Variants in PRIMPOL observed in about 807,000 individuals in gnomAD.
The protein encoded by PRIMPOL is primase and DNA directed polymerase, also known as DNA-directed primase/polymerase protein.
PRIMPOL carries 54 observed loss-of-function variants against 63.6 expected under a neutral mutation model. That is an observed-to-expected ratio of 0.85 (90% confidence interval 0.68 to 1.07). The LOEUF is 1.07. Ranked by LOEUF, PRIMPOL falls within the 50% of genes least tolerant of loss-of-function variation. The probability of loss-of-function intolerance (pLI) is 0.00; values close to 1 mark genes in which losing one functional copy is unlikely to be tolerated. For synonymous variants in PRIMPOL, 197 were observed against 220.2 expected, an observed-to-expected ratio of 0.89 and a Z score of 0.93; for missense variants, 610 against 648.3, an observed-to-expected ratio of 0.94 and a Z score of 0.64.
chr4:184,694,413 G>GTATC (rs35343168), intron 13 of PRIMPOL, 109 bp from the exon 14 acceptor site: 256,883 of 1,448,930 alleles, frequency 0.18, 28,994 homozygotes, highest in East Asian at 0.63. Context: ...ATTCACTTTA[G>GTATC]TATCTGTCAC....
At chr4:184,662,653 A>G (rs1383313409) in intron 5 of PRIMPOL, among the ~76,000 whole-genome samples, 1 of 152,202 alleles carries the variant, frequency 6.6e-6, no homozygotes, top group Non-Finnish European at 1.5e-5. Context: ...ACTGACACTT[A>G]CTGACTAGCT....
chr4:184,664,898 G>C (rs1395187810), intron 5 of PRIMPOL, among the ~76,000 whole-genome samples: 2 of 152,198 alleles, frequency 1.3e-5, no homozygotes, highest in African/African-American at 4.8e-5. Flanking sequence ...TTGATGTAGA[G>C]AGGGAAATCA....
intron 7 of PRIMPOL, among the ~76,000 whole-genome samples, chr4:184,673,122 GT>G (rs1439228777): frequency 8.9e-6 from 1 of 112,974 alleles, no homozygotes; most frequent in Non-Finnish European, 1.8e-5. Flanking sequence ...ACAGCAGCAG[GT>G]TTTTTCTTTT....
chr4:184,679,950 G>A (rs1372067670), intron 8 of PRIMPOL, among the ~76,000 whole-genome samples: 2 of 152,018 alleles, frequency 1.3e-5, no homozygotes, highest in African/African-American at 4.8e-5. Context: ...GAAAGGTTGG[G>A]GACTGCCGTT....
At chr4:184,691,313 C>A in intron 11 of PRIMPOL, 186 bp from the exon 12 acceptor site, 3 of 513,092 alleles carry the variant, frequency 5.8e-6, no homozygotes, top group Middle Eastern at 5.1e-4. Flanking sequence ...TTTTGCCCTG[C>A]AGTTCATTTT....
chr4:184,692,489 A>G (rs993827923), intron 13 of PRIMPOL, among the ~76,000 whole-genome samples: 2 of 151,076 alleles, frequency 1.3e-5, no homozygotes, highest in African/African-American at 4.9e-5. Flanking sequence ...AAAAAAAAAA[A>G]AAAAGAAAGA....
chr4:184,665,111 C>T (rs939040982), intron 5 of PRIMPOL, among the ~76,000 whole-genome samples: 13 of 152,170 alleles, frequency 8.5e-5, no homozygotes, highest in African/African-American at 3.1e-4. Flanking sequence ...CTTCATTTTG[C>T]AAATGAGAAA....
In PRIMPOL at chr4:184,694,827, G is replaced by A. The variant is rs1347661913; in HGVS notation, c.*48G>A. The stretch of plus-strand genomic sequence containing the variant: ...GTCACCAGGCTATAATTTGCCTGAT[G>A]TCTGTGAGATTTGATAAATATATCA... On this transcript the variant is annotated 3_prime_UTR_variant, in exon 14 of 14. Transcript: ENST00000314970. 3.4e-6 allele frequency: 5 copies of A among 1,479,612 alleles called. No homozygotes were observed. The highest frequency in any genetic ancestry group is 2.4e-5 in the South Asian group (2 of 83,804). 91.7% of individuals were successfully genotyped at this position (1,479,612 alleles called of 1,614,324 possible). A position where few individuals can be genotyped will look rare whatever the true frequency, so the allele number is the denominator to read the frequency against.
rs1752003736 is a variant in PRIMPOL, at chr4:184,672,302, C to T, written c.686C>T (p.Ser229Phe). Residue 229 changes from serine to phenylalanine, a missense_variant, in exon 7 of 14, where the codon TCT (serine) becomes TTT (phenylalanine). Ser to Phe is a radical substitution (Grantham distance 155, BLOSUM62 -2). Transcript: ENST00000314970. ...FSEAPARQGF[S>F]FNKMFTEKAT... ...GAAGCACCTGCAAGACAAGGATTTT[C>T]TTTCAATAAAATGTTCACAGAAAAG... 1.2e-6 allele frequency: 2 copies of T among 1,613,926 alleles called. No individual in the cohort carries two copies. Among genetic ancestry groups the T allele is most frequent in the Non-Finnish European group, 8.5e-7 (1 of 1,180,014 alleles).
At chr4:184,684,371 G>A (rs533967412) in intron 9 of PRIMPOL, among the ~76,000 whole-genome samples, 1 of 151,950 alleles carries the variant, frequency 6.6e-6, no homozygotes, top group South Asian at 2.1e-4. Flanking sequence ...CAGGAGAATC[G>A]CTTGAACCCA....
chr4:184,678,459 G>T, intron 8 of PRIMPOL, 65 bp downstream of exon 8: 9 of 1,064,248 alleles, frequency 8.5e-6, no homozygotes, highest in South Asian at 3.0e-5. Flanking sequence ...GAATGGCATT[G>T]TATATTACTA....
Position 184,691,728 on chromosome 4 carries a change from A to G in PRIMPOL, c.1425+16A>G. ...TTTCAAAGAGGTAAGTACAGATTTT[A>G]GTGTCTTTCTCCTTACCAGGGAGTT... On this transcript the variant is annotated intron_variant, in intron 13 of 13. Transcript: ENST00000314970. 1 of 1,599,512 alleles carries G rather than the reference A, an allele frequency of 6.3e-7. No individual in the cohort carries two copies.
chr4:184,664,682 C>G (rs1262032532), intron 5 of PRIMPOL, among the ~76,000 whole-genome samples: 1 of 152,208 alleles, frequency 6.6e-6, no homozygotes, highest in Admixed American at 6.5e-5. Context: ...AGCAGCCACA[C>G]CCTGCTGTAG....
At chr4:184,687,325 C>T (rs1757244012) in intron 11 of PRIMPOL, among the ~76,000 whole-genome samples, 1 of 152,128 alleles carries the variant, frequency 6.6e-6, no homozygotes, top group Non-Finnish European at 1.5e-5. Context: ...CCCGCCTTGG[C>T]CTCCCAAAGT....
intron 5 of PRIMPOL, among the ~76,000 whole-genome samples, chr4:184,664,458 A>G (rs943140367): frequency 6.6e-6 from 1 of 152,230 alleles, no homozygotes; most frequent in African/African-American, 2.4e-5. Context: ...TTCTCCCCCA[A>G]GTAATATCTA....
intron 11 of PRIMPOL, among the ~76,000 whole-genome samples, chr4:184,687,421 G>A (rs773938351): frequency 3.3e-5 from 5 of 151,986 alleles, no homozygotes; most frequent in African/African-American, 7.3e-5. Flanking sequence ...ACCACCTGTT[G>A]TATCTGCCGC....
chr4:184,680,183 C>A (rs1293746548), intron 8 of PRIMPOL, among the ~76,000 whole-genome samples: 2 of 101,238 alleles, frequency 2.0e-5, no homozygotes, highest in African/African-American at 7.1e-5. Flanking sequence ...TTTCCTTTTG[C>A]CTTTCTAAAT....
intron 6 of PRIMPOL, among the ~76,000 whole-genome samples, chr4:184,667,528 T>G (rs1044200009): frequency 2.6e-5 from 4 of 152,166 alleles, no homozygotes; most frequent in Non-Finnish European, 5.9e-5. Flanking sequence ...GCCAGGATGG[T>G]CTTGATCCCC....
intron 13 of PRIMPOL, 148 bp from the exon 14 acceptor site, chr4:184,694,374 A>AGAT: frequency 7.1e-7 from 1 of 1,411,016 alleles, no homozygotes; most frequent in East Asian, 2.5e-5. Flanking sequence ...TCCCACGGTG[A>AGAT]GATATCGGAG....
Sources: gnomAD v4.1 joint callset for allele counts (sites outside exome capture counted in the v4.1 genomes callset) on GRCh38, gnomAD v4.1.1 for gene constraint, MANE v1.5 for transcripts, NCBI Gene and HGNC (gene_info 2026-07-23, HGNC 2026-07-21) for gene names.